The following MAP7 variants were observed in gnomAD, a reference collection of about 807,000 sequenced individuals.
The protein encoded by MAP7 is ensconsin.
MAP7 carries 52 observed loss-of-function variants against 94.8 expected under a neutral mutation model. That is an observed-to-expected ratio of 0.55 (90% CI 0.44 to 0.69). The LOEUF (loss-of-function observed/expected upper bound fraction) is 0.69. MAP7 is among the 30% of genes least tolerant of loss of function. The pLI is 0.00. For missense variants in MAP7, 940 were observed against 964.6 expected (o/e 0.97, Z 0.34); for synonymous variants, 350 against 357.0 (o/e 0.98, Z 0.22).
chr6:136,431,521 T>TTTATTTAA (rs1794896876), intron 1 of MAP7, among the ~76,000 whole-genome samples: 1 of 145,274 alleles, frequency 6.9e-6, no homozygotes, highest in Admixed American at 7.1e-5. Context: ...TATTTATTTA[T>TTTATTTAA]TTATTTAATT....
chr6:136,466,968 C>A, intron 1 of MAP7: 1 of 1,235,204 alleles, frequency 8.1e-7, no homozygotes. Context: ...ACATACAACT[C>A]GACAGCCACT....
chr6:136,511,196 A>G lies in MAP7; in HGVS notation c.67+39146T>C, dbSNP rs74599041. Among the ~76,000 whole-genome samples the G allele has an allele frequency of 3.1e-3, 478 of 152,322 alleles. 3 individuals carry two copies. The highest frequency in any genetic ancestry group is 4.2e-3 in the Non-Finnish European group (287 of 68,034). ...CAGTTTGGAGTTCCACTCAAAATTC[A>G]TACTAATTTTAATGTTATGGTATTC... On this transcript the variant is annotated intron_variant, in intron 1 of 17. Coordinates refer to ENST00000354570, the MANE Select transcript of MAP7 (RefSeq NM_003980.6).
intron 1 of MAP7, among the ~76,000 whole-genome samples, chr6:136,547,769 G>C (rs1004365299): frequency 6.6e-6 from 1 of 151,876 alleles, no homozygotes; most frequent in Admixed American, 6.6e-5. Flanking sequence ...GCTTAAGAAC[G>C]GTCTCATTTC....
intron 1 of MAP7, chr6:136,466,615 A>T: frequency 3.1e-6 from 2 of 652,532 alleles, no homozygotes; most frequent in East Asian, 5.7e-5. Context: ...TAAAACAATG[A>T]TTAAAAAAAA....
chr6:136,513,139 C>T (rs561893562), intron 1 of MAP7, among the ~76,000 whole-genome samples: 29 of 152,238 alleles, frequency 1.9e-4, no homozygotes, highest in Admixed American at 1.7e-3. Flanking sequence ...GCCACTGCAC[C>T]CAGCTACAAT....
At chr6:136,534,134 T>C (rs553782674) in intron 1 of MAP7, among the ~76,000 whole-genome samples, 100 of 152,354 alleles carry the variant, frequency 6.6e-4, no homozygotes, top group African/African-American at 2.3e-3. Flanking sequence ...CAGTGAGGAT[T>C]CTTCCACGAA....
chr6:136,478,992 A>AAG (rs1554263332), intron 1 of MAP7, among the ~76,000 whole-genome samples: 94 of 147,628 alleles, frequency 6.4e-4, no homozygotes, highest in African/African-American at 2.3e-3. Flanking sequence ...AAAAAAAAAA[A>AAG]AAAGAAAGAA....
intron 1 of MAP7, among the ~76,000 whole-genome samples, chr6:136,547,820 C>T (rs1426142040): frequency 6.6e-6 from 1 of 152,078 alleles, no homozygotes; most frequent in African/African-American, 2.4e-5. Flanking sequence ...CTTTGATACA[C>T]ATATACACAC....
chr6:136,418,669 A>T (rs182575681), intron 2 of MAP7, among the ~76,000 whole-genome samples: 1 of 152,380 alleles, frequency 6.6e-6, no homozygotes, highest in Admixed American at 6.5e-5. Flanking sequence ...ATTAAAAGGG[A>T]TTCTCAGAAA....
In MAP7 at chr6:136,510,776, G is replaced by T. The variant is rs1231397693; in HGVS notation, c.67+39566C>A. Among the ~76,000 whole-genome samples, 6 of 152,138 alleles carry T rather than the reference G, an allele frequency of 3.9e-5. No homozygotes were observed. The East Asian group carries it at 1.2e-3, about 29-fold the overall frequency. On this transcript the variant is annotated intron_variant, in intron 1 of 17. Transcript: ENST00000354570. ...CTGTGTCTAATTTATAAATTAAACT[G>T]TATCACAGGTATGTATAGAAAAAAC...
rs1794337583 is a variant in MAP7, at chr6:136,366,415, C to T, written c.901G>A (p.Glu301Lys). ...TASYKKERER[E>K]NVLFLTSGTR... ...CCAGATGTGAGGAAGAGTACATTTT[C>T]TCTCTCTCTTTCTTTTTTATAGCTC... The change falls in exon 9 of 18, where the codon GAA (glutamate) becomes AAA (lysine). Residue 301 changes from glutamate to lysine, a missense_variant. By Grantham distance (56) the Glu-to-Lys change is moderately conservative. Coordinates refer to ENST00000354570, the MANE Select transcript of MAP7 (RefSeq NM_003980.6). 1.2e-6 allele frequency: 2 copies of T among 1,613,090 alleles called. No homozygotes were observed. Among genetic ancestry groups the T allele is most frequent in the South Asian group, 1.1e-5 (1 of 91,046 alleles).
intron 1 of MAP7, among the ~76,000 whole-genome samples, chr6:136,517,201 C>T (rs1267076235): frequency 6.6e-6 from 1 of 152,206 alleles, no homozygotes; most frequent in African/African-American, 2.4e-5. Flanking sequence ...ATCTACCTGG[C>T]AGCTAGGACT....
chr6:136,436,258 A>C (rs1478102515), intron 1 of MAP7, among the ~76,000 whole-genome samples: 4 of 152,198 alleles, frequency 2.6e-5, no homozygotes, highest in Non-Finnish European at 4.4e-5. Context: ...TAAACTATTC[A>C]ATTTTCTCTA....
chr6:136,447,251 G>T (rs372421652), intron 1 of MAP7, among the ~76,000 whole-genome samples: 1 of 152,138 alleles, frequency 6.6e-6, no homozygotes, highest in Non-Finnish European at 1.5e-5. Context: ...TGTTAGTATT[G>T]AGAATAATTG....
At chr6:136,438,789 C>A (rs571628443) in intron 1 of MAP7, among the ~76,000 whole-genome samples, 1 of 152,222 alleles carries the variant, frequency 6.6e-6, no homozygotes, top group Admixed American at 6.5e-5. Context: ...GATACAAAAT[C>A]CACTTGCGAC....
intron 1 of MAP7, among the ~76,000 whole-genome samples, chr6:136,525,453 T>C (rs1037176070): frequency 2.0e-5 from 3 of 152,128 alleles, no homozygotes; most frequent in African/African-American, 7.2e-5. Flanking sequence ...TAAGCAAAAA[T>C]TATCTGAGGC....
At chr6:136,517,833 A>G (rs1166257815) in intron 1 of MAP7, among the ~76,000 whole-genome samples, 1 of 152,186 alleles carries the variant, frequency 6.6e-6, no homozygotes, top group African/African-American at 2.4e-5. Context: ...GTAAACTGAT[A>G]TCCCTGATAA....
chr6:136,431,181 C>T (rs1794779872), intron 1 of MAP7, among the ~76,000 whole-genome samples: 1 of 152,174 alleles, frequency 6.6e-6, no homozygotes, highest in African/African-American at 2.4e-5. Context: ...CTATTCCTAC[C>T]ACCATCACAT....
chr6:136,365,031 A>G (rs1383097267), intron 10 of MAP7: 2 of 152,288 alleles, frequency 1.3e-5, no homozygotes, highest in African/African-American at 4.8e-5. Flanking sequence ...CTCTGAACAC[A>G]TTTTGTGAAA....
Sources: gnomAD v4.1 joint callset for allele counts (sites outside exome capture counted in the v4.1 genomes callset) on GRCh38, gnomAD v4.1.1 for gene constraint, MANE v1.5 for transcripts, NCBI Gene and HGNC (gene_info 2026-07-23, HGNC 2026-07-21) for gene names.